THSD4: variants seen among roughly 807,000 people sequenced by gnomAD.
THSD4 encodes the protein thrombospondin type 1 domain containing 4, also known as thrombospondin type-1 domain-containing protein 4.
A neutral mutation model predicts 119.0 loss-of-function variants in THSD4; 69 were observed. The ratio of observed to expected loss-of-function variants is 0.58; its 90% CI spans 0.48 to 0.71. The LOEUF is 0.71. THSD4 is among the 30% of genes least tolerant of loss of function. THSD4 has a pLI of 0.00. For synonymous variants in THSD4, 524 were observed against 540.4 expected (o/e 0.97, Z 0.42); for missense variants, 1,393 against 1,391.1 (o/e 1.00, Z -0.02).
At chr15:71,404,531 A>G (rs1410413293) in intron 6 of THSD4, among the ~76,000 whole-genome samples, 2 of 152,202 alleles carry the variant, frequency 1.3e-5, no homozygotes, top group Non-Finnish European at 2.9e-5. Context: ...GCTATTATGA[A>G]TAATGCTGCT....
At chr15:71,421,222 ATTCTGTGTTT>A (rs2046802980) in intron 7 of THSD4, among the ~76,000 whole-genome samples, 1 of 94,946 alleles carries the variant, frequency 1.1e-5, no homozygotes, top group African/African-American at 3.6e-5. Context: ...AGTGTATAAT[ATTCTGTGTTT>A]TTCTGTGTAC....
chr15:71,600,535 A>T (rs760196825), intron 7 of THSD4, among the ~76,000 whole-genome samples: 16 of 151,108 alleles, frequency 1.1e-4, no homozygotes, highest in African/African-American at 3.7e-4. Context: ...AAAAAGAATG[A>T]TTGGGAATTA....
chr15:71,367,366 A>G (rs1167046624), intron 6 of THSD4, among the ~76,000 whole-genome samples: 1 of 152,222 alleles, frequency 6.6e-6, no homozygotes, highest in Non-Finnish European at 1.5e-5. Flanking sequence ...ATATGTATAC[A>G]TGTGCCATGG....
At chr15:71,708,932 G>C (rs1248797101) in intron 8 of THSD4, among the ~76,000 whole-genome samples, 2 of 152,204 alleles carry the variant, frequency 1.3e-5, no homozygotes, top group East Asian at 1.9e-4. Context: ...GGGTGGCCCT[G>C]GAACACTGCC....
At chr15:71,426,380 TG>T (rs2046867673) in intron 7 of THSD4, among the ~76,000 whole-genome samples, 1 of 126,688 alleles carries the variant, frequency 7.9e-6, no homozygotes, top group South Asian at 2.6e-4. Flanking sequence ...TGTGTGTGTG[TG>T]TGTGTGTGTG....
chr15:71,567,403 T>C (rs1313796674), intron 7 of THSD4, among the ~76,000 whole-genome samples: 1 of 152,106 alleles, frequency 6.6e-6, no homozygotes, highest in African/African-American at 2.4e-5. Flanking sequence ...CAGTAGCCAC[T>C]GTGGGCACCA....
intron 6 of THSD4, among the ~76,000 whole-genome samples, chr15:71,402,100 C>T (rs1596403860): frequency 3.5e-5 from 3 of 84,728 alleles, no homozygotes; most frequent in Non-Finnish European, 4.3e-5. Context: ...TGGGGCCTGT[C>T]GTGGGGTGGG....
At chr15:71,214,266 C>G (rs1360962335) in intron 3 of THSD4, among the ~76,000 whole-genome samples, 1 of 151,706 alleles carries the variant, frequency 6.6e-6, no homozygotes, top group East Asian at 1.9e-4. Flanking sequence ...TCCAGTCCCT[C>G]CAGTCCCTCC....
intron 6 of THSD4, among the ~76,000 whole-genome samples, chr15:71,380,133 G>A (rs142164578): frequency 2.8e-4 from 42 of 152,180 alleles, no homozygotes; most frequent in African/African-American, 8.9e-4. Context: ...TTTTGTTTAC[G>A]TACTAAGTTG....
chr15:71,220,715 A>G (rs1357445275), intron 4 of THSD4, among the ~76,000 whole-genome samples: 1 of 152,160 alleles, frequency 6.6e-6, no homozygotes, highest in Admixed American at 6.5e-5. Context: ...AGTGCAGCAG[A>G]AGGGATCAGG....
At chr15:71,142,089 CT>C (rs1380027689) in intron 2 of THSD4, among the ~76,000 whole-genome samples, 1 of 151,868 alleles carries the variant, frequency 6.6e-6, no homozygotes, top group African/African-American at 2.4e-5. Flanking sequence ...TTCTAAAGAA[CT>C]TAAAAAAATT....
intron 6 of THSD4, among the ~76,000 whole-genome samples, chr15:71,343,715 A>G (rs201884540): frequency 7.4e-6 from 1 of 134,806 alleles, no homozygotes; most frequent in Admixed American, 7.5e-5. Flanking sequence ...TCATCTCAGG[A>G]TTTTTTTTTT....
rs966364049 is a variant in THSD4 at position 71,575,966 on chromosome 15, T to C, written c.1153-84564T>C. Among the ~76,000 whole-genome samples, 19 of 152,226 alleles carry C rather than the reference T, an allele frequency of 1.2e-4. 1 individual carries two copies. The highest frequency in any genetic ancestry group is 6.5e-4 in the Admixed American group (10 of 15,282). On this transcript the variant is annotated intron_variant, in intron 7 of 17. Coordinates refer to ENST00000261862, the MANE Select transcript of THSD4 (RefSeq NM_024817.3). Reference sequence around the variant, plus strand: ...GAGGAAAGTGTGAAAATGAAGACTATTGTAGAGTCTTACATGAAGCTAAAT... The same window carrying C: ...GAGGAAAGTGTGAAAATGAAGACTACTGTAGAGTCTTACATGAAGCTAAAT...
chr15:71,111,585 G>A (rs566109628), upstream of THSD4: 1 of 626,090 alleles, frequency 1.6e-6, no homozygotes, highest in South Asian at 2.0e-5. Context: ...TTATTTGCTG[G>A]GCACAGGCTT....
chr15:71,766,247 C>T (rs1034234083), intron 16 of THSD4, among the ~76,000 whole-genome samples: 2 of 151,854 alleles, frequency 1.3e-5, no homozygotes, highest in African/African-American at 4.8e-5. Flanking sequence ...AACAGAAAAC[C>T]TCCTCACCAT....
At chr15:71,625,348 G>A (rs779955531) in intron 7 of THSD4, among the ~76,000 whole-genome samples, 21 of 152,300 alleles carry the variant, frequency 1.4e-4, no homozygotes, top group South Asian at 4.2e-4. Context: ...CTATTCTACA[G>A]GGTTCTTGGA....
intron 6 of THSD4, among the ~76,000 whole-genome samples, chr15:71,307,166 G>T (rs1218299139): frequency 2.0e-5 from 3 of 152,230 alleles, no homozygotes; most frequent in East Asian, 3.9e-4. Flanking sequence ...AACTTTTCTG[G>T]CCTGTTGGTG....
At chr15:71,396,703 G>A in intron 6 of THSD4, among the ~76,000 whole-genome samples, 1 of 152,198 alleles carries the variant, frequency 6.6e-6, no homozygotes, top group South Asian at 2.1e-4. Flanking sequence ...GGCCAGACTG[G>A]CTTACTACTG....
At chr15:71,116,741 C>A (rs907956188) in intron 1 of THSD4, among the ~76,000 whole-genome samples, 7 of 151,950 alleles carry the variant, frequency 4.6e-5, no homozygotes, top group African/African-American at 1.7e-4. Flanking sequence ...TTGGAGGCAC[C>A]CAGGACCCCT....
Sources: gnomAD v4.1 joint callset for allele counts (sites outside exome capture counted in the v4.1 genomes callset) on GRCh38, gnomAD v4.1.1 for gene constraint, MANE v1.5 for transcripts, NCBI Gene and HGNC (gene_info 2026-07-23, HGNC 2026-07-21) for gene names.